Variants in SLC12A5 observed in about 807,000 individuals in gnomAD.
SLC12A5 encodes K-Cl cotransporter 2.
In SLC12A5, 18 loss-of-function variants were observed where a neutral mutation model predicts 124.0. The ratio of observed to expected loss-of-function variants is 0.15; its 90% CI spans 0.10 to 0.22. The LOEUF (loss-of-function observed/expected upper bound fraction) is 0.22, where lower values mean the gene tolerates loss of function less well. Among genes scored for constraint, SLC12A5 ranks in the 10% least tolerant of loss-of-function variants. SLC12A5 has a pLI of 1.00. For synonymous variants in SLC12A5, 589 were observed against 568.0 expected, an observed-to-expected ratio of 1.04 and a Z score of -0.53; for missense variants, 867 against 1,478.7, an observed-to-expected ratio of 0.59 and a Z score of 6.78.
Position 46,056,091 on chromosome 20 carries a change from T to C in SLC12A5, c.2788-59T>C. 1.9e-6 allele frequency: 3 copies of C among 1,604,072 alleles called. No homozygotes were observed. Among genetic ancestry groups the C allele is most frequent in the Non-Finnish European group, 2.6e-6 (3 of 1,174,950 alleles). On this transcript the variant is annotated intron_variant, in intron 21 of 25. Transcript: ENST00000243964. This position sits in a 1 kb window ranked among gnomAD's most constrained non-coding sequence, Gnocchi z 4.3. ...GAACATCATCTCTGGTGATAGCTCT[T>C]TGCAGGGCATGGGTGGTGACTCCCA...
chr20:46,022,082 A>AG (rs2084360790), intron 1 of SLC12A5: 2 of 279,094 alleles, frequency 7.2e-6, no homozygotes, highest in African/African-American at 5.1e-5. Flanking sequence ...GTGGAGGGGG[A>AG]GGGGCCAAAC....
chr20:46,044,520 G>A (rs141334467), intron 11 of SLC12A5, among the ~76,000 whole-genome samples: 63 of 152,304 alleles, frequency 4.1e-4, no homozygotes, highest in African/African-American at 1.5e-3. Flanking sequence ...TAGGCAGCTT[G>A]GAGGAAGGGC....
intron 14 of SLC12A5, 41 bp from the exon 15 acceptor site, chr20:46,047,413 C>T (rs1171986558): frequency 6.2e-7 from 1 of 1,605,842 alleles, no homozygotes; most frequent in African/African-American, 1.3e-5. Context: ...CAGCAACAGC[C>T]CTGCTGGGGC....
chr20:46,042,571 G>T (rs565269899), intron 8 of SLC12A5, among the ~76,000 whole-genome samples: 1 of 152,100 alleles, frequency 6.6e-6, no homozygotes, highest in Admixed American at 6.5e-5. Context: ...TAGAGGCCAC[G>T]ATGCTGCTAA....
rs1221035250 is a variant in SLC12A5, at chr20:46,058,923, G to T, written c.*1318G>T. 4 of 395,084 alleles carry T rather than the reference G, an allele frequency of 1.0e-5. No homozygotes were observed. Among genetic ancestry groups the T allele is most frequent in the Non-Finnish European group, 1.3e-5 (3 of 224,506 alleles). The allele number at this position is 395,084 out of a possible 1,614,324, so 24.5% of individuals were successfully genotyped here. A position where few individuals can be genotyped will look rare whatever the true frequency, so the allele number is the denominator to read the frequency against. On this transcript the variant is annotated 3_prime_UTR_variant, in exon 26 of 26. Coordinates refer to ENST00000243964, the MANE Select transcript of SLC12A5 (RefSeq NM_020708.5). The surrounding 1 kb of genome is among the most constrained non-coding windows in gnomAD (Gnocchi z 5.8). ...GCGGCCTCTAGCTCCGTCTCCCGGG[G>T]ACCTGGGCCTGAGGGAGGGCTGGAG...
intron 4 of SLC12A5, chr20:46,036,459 G>A (rs559017531): frequency 2.7e-6 from 1 of 364,640 alleles, no homozygotes; most frequent in South Asian, 3.6e-5. Flanking sequence ...GAGAAGTGAA[G>A]TGAGTTGTCT....
chr20:46,022,144 G>A (rs1228442730), intron 1 of SLC12A5: 4 of 395,298 alleles, frequency 1.0e-5, no homozygotes, highest in African/African-American at 6.4e-5. Flanking sequence ...GAAGGGGTTT[G>A]GACGGAGGCG....
downstream of SLC12A5, among the ~76,000 whole-genome samples, chr20:46,024,081 C>T (rs1462290414): frequency 6.6e-6 from 1 of 152,068 alleles, no homozygotes; most frequent in Admixed American, 6.6e-5. Context: ...GAAACACAGC[C>T]CCCAAGCTTT....
At chr20:46,043,383 G>A (rs2084565287) in intron 9 of SLC12A5, 60 bp downstream of exon 9, 10 of 1,565,256 alleles carry the variant, frequency 6.4e-6, no homozygotes, top group Admixed American at 1.8e-5. Context: ...AGAGAGAGTC[G>A]ATGATGATGT....
chr20:46,034,023 C>T (rs2087231537), intron 1 of SLC12A5, among the ~76,000 whole-genome samples: 1 of 152,106 alleles, frequency 6.6e-6, no homozygotes, highest in Non-Finnish European at 1.5e-5. Flanking sequence ...TTGAACACGA[C>T]CTGCTAATCA....
rs2084605452 is a variant in SLC12A5 at position 46,047,387 on chromosome 20, T to G, written c.1788-67T>G. Reference sequence around the variant, plus strand: ...TGCCCTGCCCCATCTCCCTCTTGCTTTCTAAGTCCCAGCTTCAGCAACAGC... The same window carrying G: ...TGCCCTGCCCCATCTCCCTCTTGCTGTCTAAGTCCCAGCTTCAGCAACAGC... On this transcript the variant is annotated intron_variant, in intron 14 of 25. Coordinates refer to ENST00000243964, the MANE Select transcript of SLC12A5 (RefSeq NM_020708.5). The G allele has an allele frequency of 3.8e-6, 6 of 1,584,046 alleles. No homozygotes were observed. In the East Asian group the frequency reaches 1.3e-4, roughly 36 times the overall value.
At chr20:46,030,154 C>A (rs962448795) in intron 1 of SLC12A5, among the ~76,000 whole-genome samples, 3 of 147,916 alleles carry the variant, frequency 2.0e-5, no homozygotes, top group African/African-American at 7.4e-5. Flanking sequence ...GGACGGGAAG[C>A]AAGATCACCC....
chr20:46,057,626 G>C lies in SLC12A5; in HGVS notation c.*21G>C. ...CCTGAGAACCAGGACCTGCCACCCG[G>C]GCCCGAGCGCGCCCGGCCCGCGGCT... On this transcript the variant is annotated 3_prime_UTR_variant, in exon 26 of 26. Coordinates refer to ENST00000243964, the MANE Select transcript of SLC12A5 (RefSeq NM_020708.5). The surrounding 1 kb of genome is among the most constrained non-coding windows in gnomAD (Gnocchi z 7.1). 1 of 1,598,466 alleles carries C rather than the reference G, an allele frequency of 6.3e-7. No homozygotes were observed. Among genetic ancestry groups the C allele is most frequent in the Non-Finnish European group, 8.5e-7 (1 of 1,171,116 alleles).
At chr20:46,047,066 C>T (rs1185039178) in intron 14 of SLC12A5, among the ~76,000 whole-genome samples, 1 of 152,224 alleles carries the variant, frequency 6.6e-6, no homozygotes, top group African/African-American at 2.4e-5. Context: ...TGGGCTAGAA[C>T]CAGGGCTGCC....
intron 13 of SLC12A5, 83 bp downstream of exon 13, chr20:46,046,079 A>C (rs1254502599): frequency 7.6e-7 from 1 of 1,322,030 alleles, no homozygotes; most frequent in Non-Finnish European, 1.1e-6. Context: ...GTGACAACCC[A>C]CCCAGACACT....
chr20:46,042,592 A>G (rs2084557448), intron 8 of SLC12A5, among the ~76,000 whole-genome samples: 1 of 152,132 alleles, frequency 6.6e-6, no homozygotes, highest in Admixed American at 6.5e-5. Flanking sequence ...ACATCCTACA[A>G]TGCTATAGGA....
intron 1 of SLC12A5, among the ~76,000 whole-genome samples, 185 bp downstream of exon 1, chr20:46,029,581 G>A (rs2084427505): frequency 6.6e-6 from 1 of 152,180 alleles, no homozygotes; most frequent in African/African-American, 2.4e-5. Context: ...CAAGGTGCTG[G>A]AATGCGCCGC....
At chr20:46,025,368 G>T (rs933592711), upstream of SLC12A5, among the ~76,000 whole-genome samples, 2 of 152,218 alleles carry the variant, frequency 1.3e-5, no homozygotes, top group East Asian at 1.9e-4. Flanking sequence ...CTCACTGCCC[G>T]GTACCTCAGC....
In SLC12A5 at chr20:46,053,571, C is replaced by T. The variant is rs528785563; in HGVS notation, c.2548-7C>T. The T allele has an allele frequency of 1.2e-6, 2 of 1,613,594 alleles. No individual in the cohort carries two copies. The highest frequency in any genetic ancestry group is 1.3e-5 in the African/African-American group (1 of 75,038). Reference sequence around the variant, plus strand: ...GGACCTTTCTGAATCCCCTTCATCGCCTGCAGGTCTGGCGGAAGTGCAAGA... The same window carrying T: ...GGACCTTTCTGAATCCCCTTCATCGTCTGCAGGTCTGGCGGAAGTGCAAGA... On this transcript the variant is annotated splice_region_variant and splice_polypyrimidine_tract_variant and intron_variant, in intron 19 of 25. Transcript: ENST00000243964. This position sits in a 1 kb window ranked among gnomAD's most constrained non-coding sequence, Gnocchi z 4.7.
Sources: allele counts gnomAD v4.1 joint callset (sites outside exome capture counted in the v4.1 genomes callset), GRCh38; gene constraint gnomAD v4.1.1; non-coding constraint Gnocchi (gnomAD v3.1); transcripts MANE v1.5; gene names NCBI Gene and HGNC (gene_info 2026-07-23, HGNC 2026-07-21).